Variants in DPP10 observed in about 807,000 individuals in gnomAD.
DPP10 encodes dipeptidyl peptidase like 10.
Under a neutral mutation model 120.9 loss-of-function variants are expected in DPP10, and 33 were observed. That is an observed-to-expected ratio of 0.27 (90% CI 0.21 to 0.37). The LOEUF (loss-of-function observed/expected upper bound fraction) is 0.37, where lower values mean the gene tolerates loss of function less well. DPP10 is among the 10% of genes least tolerant of loss of function. DPP10 has a pLI of 1.00. For synonymous variants in DPP10, 337 were observed against 326.1 expected (o/e 1.03, Z -0.36); for missense variants, 816 against 942.8 (o/e 0.87, Z 1.76).
intron 11 of DPP10, among the ~76,000 whole-genome samples, chr2:115,760,632 G>A (rs931635548): frequency 2.0e-5 from 3 of 152,154 alleles, no homozygotes; most frequent in Non-Finnish European, 1.5e-5. Context: ...GAGCATAGTC[G>A]TGGAAATGAG....
At chr2:114,708,635 A>T (rs1700829978) in intron 1 of DPP10, among the ~76,000 whole-genome samples, 1 of 151,668 alleles carries the variant, frequency 6.6e-6, no homozygotes, top group Non-Finnish European at 1.5e-5. Flanking sequence ...TCACTGTGGT[A>T]AAAAAAAGGA....
In DPP10 at chr2:114,576,508, T is replaced by A. The variant is rs538197006; in HGVS notation, c.60+133670T>A. Among the ~76,000 whole-genome samples, 5 of 152,318 alleles carry A rather than the reference T, an allele frequency of 3.3e-5. No individual in the cohort carries two copies. The South Asian group carries it at 1.0e-3, about 32-fold the overall frequency. On this transcript the variant is annotated intron_variant, in intron 1 of 25. Coordinates refer to ENST00000410059, the MANE Select transcript of DPP10 (RefSeq NM_020868.6). Reference sequence around the variant, plus strand: ...GGGATGGGGTGAACAAATACCCCTATCTCTCTGTCTCTCTTTGATCCAACC... The same window carrying A: ...GGGATGGGGTGAACAAATACCCCTAACTCTCTGTCTCTCTTTGATCCAACC...
chr2:115,482,816 T>G (rs2075521352), intron 3 of DPP10, among the ~76,000 whole-genome samples: 1 of 152,038 alleles, frequency 6.6e-6, no homozygotes. Flanking sequence ...CATCATAGCC[T>G]TACTACCTTA....
At chr2:114,709,771 A>G (rs1009243998) in intron 1 of DPP10, among the ~76,000 whole-genome samples, 26 of 152,296 alleles carry the variant, frequency 1.7e-4, no homozygotes, top group Admixed American at 1.2e-3. Flanking sequence ...ATACGTTCTA[A>G]TAAGATTTTT....
chr2:115,047,406 G>GA (rs1191979432), intron 1 of DPP10, among the ~76,000 whole-genome samples: 3 of 151,542 alleles, frequency 2.0e-5, no homozygotes, highest in East Asian at 1.9e-4. Context: ...CATTGTGATT[G>GA]AAAAAAACAG....
chr2:115,238,683 A>G (rs561596843), intron 1 of DPP10, among the ~76,000 whole-genome samples: 1 of 152,286 alleles, frequency 6.6e-6, no homozygotes, highest in South Asian at 2.1e-4. Flanking sequence ...CTTCTTATGG[A>G]TGAGCAAAGA....
In DPP10 at chr2:114,480,892, AAAAAAC is replaced by A. The variant is rs1428598230; in HGVS notation, c.60+38060_60+38065del. 2.2e-5 allele frequency among the ~76,000 whole-genome samples: 3 copies of A among 139,416 alleles called. No homozygotes were observed. In the East Asian group the frequency reaches 5.8e-4, roughly 27 times the overall value. 91.5% of individuals were successfully genotyped at this position (139,416 alleles called of 152,430 possible). On this transcript the variant is annotated intron_variant, in intron 1 of 25. Transcript: ENST00000410059. ...AAAAAGTACACCCCCCAAAAAACAA[AAAAAAC>A]AAAAAGTTTTGCAGCAAGTGGACAT...
intron 1 of DPP10, among the ~76,000 whole-genome samples, chr2:114,856,902 A>ACCATTT (rs1435368922): frequency 2.6e-5 from 4 of 152,224 alleles, no homozygotes; most frequent in African/African-American, 9.6e-5. Flanking sequence ...GATAGTAACT[A>ACCATTT]CCATTTTTGA....
At chr2:114,875,746 C>G (rs1691097062) in intron 1 of DPP10, among the ~76,000 whole-genome samples, 1 of 152,096 alleles carries the variant, frequency 6.6e-6, no homozygotes. Context: ...TTGGCATAAA[C>G]ATACTTCTAT....
chr2:115,492,526 T>C (rs2076178269), intron 3 of DPP10, among the ~76,000 whole-genome samples: 1 of 152,150 alleles, frequency 6.6e-6, no homozygotes, highest in Non-Finnish European at 1.5e-5. Context: ...GAGAAAGATA[T>C]ATTTATGAGC....
intron 1 of DPP10, among the ~76,000 whole-genome samples, chr2:114,799,835 A>G (rs1233494799): frequency 1.3e-5 from 2 of 152,238 alleles, no homozygotes; most frequent in East Asian, 1.9e-4. Context: ...GTGAATGAAG[A>G]GTCAGCAAAT....
In DPP10 at chr2:115,187,662, A is replaced by G. The variant is rs139837013; in HGVS notation, c.61-121577A>G. Among the ~76,000 whole-genome samples, 1,100 of 152,248 alleles carry G rather than the reference A, an allele frequency of 7.2e-3. 16 individuals are homozygous for G. Among genetic ancestry groups the G allele is most frequent in the African/African-American group, 0.025 (1,037 of 41,554 alleles). Reference sequence around the variant, plus strand: ...AAATGGAATCTGTAAATTTTAAAGCAGCTGGGAAGCAGGGATGAAATATAA... The same window carrying G: ...AAATGGAATCTGTAAATTTTAAAGCGGCTGGGAAGCAGGGATGAAATATAA... On this transcript the variant is annotated intron_variant, in intron 1 of 25. Transcript: ENST00000410059.
intron 1 of DPP10, among the ~76,000 whole-genome samples, chr2:115,139,006 T>G (rs1332911502): frequency 6.6e-6 from 1 of 152,200 alleles, no homozygotes; most frequent in Non-Finnish European, 1.5e-5. Context: ...AACAAACTGC[T>G]ACATGTGATG....
chr2:114,994,158 T>C (rs1020083218), intron 1 of DPP10, among the ~76,000 whole-genome samples: 2 of 152,208 alleles, frequency 1.3e-5, no homozygotes, highest in Non-Finnish European at 2.9e-5. Flanking sequence ...GTTTTTGTCT[T>C]GGCTCTGCAC....
chr2:115,186,827 TA>T, intron 1 of DPP10, among the ~76,000 whole-genome samples: 1 of 152,024 alleles, frequency 6.6e-6, no homozygotes, highest in Non-Finnish European at 1.5e-5. Flanking sequence ...TGGAGAGTTT[TA>T]AGTAGGTAAC....
intron 1 of DPP10, among the ~76,000 whole-genome samples, chr2:115,246,115 AC>A (rs2058521640): frequency 6.6e-6 from 1 of 152,100 alleles, no homozygotes; most frequent in Non-Finnish European, 1.5e-5. Flanking sequence ...TATATTTACT[AC>A]CTTCAAAGCC....
chr2:115,571,878 T>G (rs1575210304), intron 5 of DPP10, among the ~76,000 whole-genome samples: 1 of 151,902 alleles, frequency 6.6e-6, no homozygotes, highest in African/African-American at 2.4e-5. Context: ...TTTTATGAAG[T>G]AAAATTATGC....
At chr2:114,807,544 G>A (rs1009958538) in intron 1 of DPP10, among the ~76,000 whole-genome samples, 3 of 151,504 alleles carry the variant, frequency 2.0e-5, no homozygotes, top group African/African-American at 7.3e-5. Flanking sequence ...TTCCTTATTT[G>A]GTTTATATGT....
At chr2:115,587,860 G>A (rs1197183169) in intron 5 of DPP10, among the ~76,000 whole-genome samples, 3 of 151,942 alleles carry the variant, frequency 2.0e-5, no homozygotes, top group Non-Finnish European at 2.9e-5. Context: ...TAAATATTAG[G>A]CATACTAAGT....
Sources: gnomAD v4.1 joint callset for allele counts (sites outside exome capture counted in the v4.1 genomes callset) on GRCh38, gnomAD v4.1.1 for gene constraint, MANE v1.5 for transcripts, NCBI Gene and HGNC (gene_info 2026-07-23, HGNC 2026-07-21) for gene names.